ALDH3B2: variants seen among roughly 807,000 people sequenced by gnomAD.
ALDH3B2 encodes the protein aldehyde dehydrogenase 3 family member B2.
A neutral mutation model predicts 36.7 loss-of-function variants in ALDH3B2; 45 were observed. The observed-to-expected ratio is 1.23, with a 90% CI of 0.97 to 1.57. The LOEUF (loss-of-function observed/expected upper bound fraction) is 1.57, where lower values mean the gene tolerates loss of function less well. ALDH3B2 is among the 40% of genes most tolerant of loss of function. The pLI is 0.00. For missense variants in ALDH3B2, 464 were observed against 513.3 expected (o/e 0.90, Z 0.93); for synonymous variants, 217 against 226.5 (o/e 0.96, Z 0.38).
chr11:67,663,737 TC>T lies in ALDH3B2; in HGVS notation c.897del (p.Thr300ProfsTer58). 6.2e-7 allele frequency: 1 copy of T among 1,612,610 alleles called. No individual in the cohort carries two copies. The highest frequency in any genetic ancestry group is 1.1e-5 in the South Asian group (1 of 91,008). On this transcript the variant is annotated frameshift_variant, in exon 9 of 10. Coordinates refer to ENST00000349015, the Ensembl canonical transcript of ALDH3B2. LOFTEE classifies it high-confidence loss of function. ...TTGCCTCCAAAGCTGCCGCTGCTGG[TC>T]CGCTCCAGCATCTGGTTCACAACCT...
chr11:67,675,433 G>C (rs901087007), upstream of ALDH3B2, among the ~76,000 whole-genome samples: 5 of 152,176 alleles, frequency 3.3e-5, no homozygotes, highest in Admixed American at 2.0e-4. Flanking sequence ...GGAGCAGAAT[G>C]AGCTCAGGTC....
At chr11:67,666,401 C>G (rs200358408) in exon 5 of ALDH3B2, 2 of 1,607,336 alleles carry the variant, frequency 1.2e-6, no homozygotes, top group Admixed American at 3.4e-5. Context: ...CACGCAACTC[C>G]CTGCAGGGGC....
chr11:67,677,600 C>T (rs563142783), upstream of ALDH3B2, among the ~76,000 whole-genome samples: 9 of 152,018 alleles, frequency 5.9e-5, no homozygotes, highest in South Asian at 1.5e-3. Flanking sequence ...GCAGTCCTAG[C>T]CAGAGCAATC....
chr11:67,680,824 C>A (rs1399447192), intron 1 of ALDH3B2, among the ~76,000 whole-genome samples: 1 of 152,186 alleles, frequency 6.6e-6, no homozygotes, highest in East Asian at 1.9e-4. Flanking sequence ...ATTTGGCACC[C>A]CACTGGGCCC....
exon 7 of ALDH3B2, chr11:67,665,394 T>G (rs1855871897): frequency 6.2e-7 from 1 of 1,613,976 alleles, no homozygotes; most frequent in Non-Finnish European, 8.5e-7. Flanking sequence ...GGCCCAGGTT[T>G]GGGGAGCTCT....
At position 67,666,235 on chromosome 11, in the gene ALDH3B2, C is replaced by CT. The variant is rs566041777; in HGVS notation, c.238-33dup. 1.6e-4 allele frequency: 233 copies of CT among 1,494,880 alleles called. 2 individuals are homozygous for CT. The South Asian group carries it at 2.0e-3, about 13-fold the overall frequency. The allele number at this position is 1,494,880 out of a possible 1,614,324, so 92.6% of individuals were successfully genotyped here. A position where few individuals can be genotyped will look rare whatever the true frequency, so the allele number is the denominator to read the frequency against. On this transcript the variant is annotated intron_variant, in intron 5 of 9. Coordinates refer to ENST00000349015, the Ensembl canonical transcript of ALDH3B2. ...GGTGGAATGAGAGGCTCGGGGCGGG[C>CT]TCGGGGCCAGCCGGGCCTCCTCAGC...
At chr11:67,666,510 C>T in intron 4 of ALDH3B2, 64 bp downstream of exon 4, 6 of 1,609,272 alleles carry the variant, frequency 3.7e-6, no homozygotes, top group Non-Finnish European at 5.1e-6. Context: ...AGCAAGATTC[C>T]AGGGGCCTCT....
intron 4 of ALDH3B2, 32 bp downstream of exon 4, chr11:67,666,542 G>C (rs914896990): frequency 1.2e-6 from 2 of 1,613,146 alleles, no homozygotes; most frequent in African/African-American, 2.7e-5. Flanking sequence ...TACTGGGCGG[G>C]GAGAGCATGG....
chr11:67,666,495 C>G, intron 4 of ALDH3B2, 79 bp downstream of exon 4: 1 of 1,606,838 alleles, frequency 6.2e-7, no homozygotes, highest in Non-Finnish European at 8.5e-7. Context: ...CCCAGGGTAC[C>G]TCAGAGCAAG....
chr11:67,664,278 A>C, intron 8 of ALDH3B2, 118 bp downstream of exon 8: 1 of 1,490,670 alleles, frequency 6.7e-7, no homozygotes, highest in Non-Finnish European at 9.1e-7. Flanking sequence ...GCCTAGATAT[A>C]GTCACCCTTG....
chr11:67,667,097 G>C (rs1011196982), intron 2 of ALDH3B2, 81 bp from the exon 3 acceptor site: 2 of 746,348 alleles, frequency 2.7e-6, no homozygotes, highest in Admixed American at 2.2e-5. Flanking sequence ...GGCACACGCA[G>C]GCACCACCAC....
chr11:67,671,860 C>CTTTAATGCT (rs1856124044), intron 1 of ALDH3B2, among the ~76,000 whole-genome samples: 1 of 129,728 alleles, frequency 7.7e-6, no homozygotes, highest in Non-Finnish European at 1.7e-5. Context: ...TCATTTTATT[C>CTTTAATGCT]ACAGCCACCC....
chr11:67,670,615 G>A (rs930599162), intron 1 of ALDH3B2, among the ~76,000 whole-genome samples: 2 of 152,156 alleles, frequency 1.3e-5, no homozygotes, highest in Non-Finnish European at 2.9e-5. Flanking sequence ...CTGAACCAAT[G>A]GCAGAAGTCC....
upstream of ALDH3B2, among the ~76,000 whole-genome samples, chr11:67,678,541 C>T (rs1356917717): frequency 6.6e-6 from 1 of 151,896 alleles, no homozygotes; most frequent in East Asian, 1.9e-4. Flanking sequence ...TGGAAAAACC[C>T]TTCTAGACAT....
intron 1 of ALDH3B2, among the ~76,000 whole-genome samples, chr11:67,668,954 T>G (rs1855999781): frequency 6.6e-6 from 1 of 150,790 alleles, no homozygotes; most frequent in Admixed American, 6.6e-5. Flanking sequence ...TGTGTGTATG[T>G]GTGTATGGGT....
intron 1 of ALDH3B2, among the ~76,000 whole-genome samples, chr11:67,680,925 G>A (rs542704942): frequency 2.0e-5 from 3 of 152,238 alleles, no homozygotes; most frequent in East Asian, 3.9e-4. Context: ...AGGTGGGCAC[G>A]TGACATTGTA....
At chr11:67,671,884 G>C (rs1268831181) in intron 1 of ALDH3B2, among the ~76,000 whole-genome samples, 2 of 150,140 alleles carry the variant, frequency 1.3e-5, no homozygotes, top group East Asian at 3.9e-4. Flanking sequence ...TGCCCACCGA[G>C]ATAGATGCAC....
At chr11:67,663,784 G>A in intron 8 of ALDH3B2, 23 bp from the exon 9 acceptor site, 1 of 1,596,132 alleles carries the variant, frequency 6.3e-7, no homozygotes, top group Non-Finnish European at 8.6e-7. Flanking sequence ...GAGAAGGTGG[G>A]TGTTGGGCTC....
At chr11:67,674,982 C>T (rs899729262), upstream of ALDH3B2, among the ~76,000 whole-genome samples, 4 of 152,196 alleles carry the variant, frequency 2.6e-5, no homozygotes, top group African/African-American at 9.7e-5. Flanking sequence ...TCCCATGCCC[C>T]CCATGGCCCC....
Sources: allele counts gnomAD v4.1 joint callset (sites outside exome capture counted in the v4.1 genomes callset), GRCh38; gene constraint gnomAD v4.1.1; transcripts MANE v1.5; gene names NCBI Gene and HGNC (gene_info 2026-07-23, HGNC 2026-07-21).